The following UPP2 variants were observed in gnomAD, a reference collection of about 807,000 sequenced individuals.
UPP2 encodes the protein UPase 2.
In UPP2, 23 loss-of-function variants were observed where a neutral mutation model predicts 26.7. The ratio of observed to expected loss-of-function variants is 0.86; its 90% CI spans 0.62 to 1.22. UPP2 has a LOEUF of 1.22. UPP2 is among the 50% of genes most tolerant of loss of function. The pLI is 0.00. For synonymous variants in UPP2, 127 were observed against 141.3 expected (o/e 0.90, Z 0.72); for missense variants, 387 against 396.7 (o/e 0.98, Z 0.21).
chr2:158,057,075 A>T (rs909373577), intron 3 of UPP2, among the ~76,000 whole-genome samples: 3 of 152,210 alleles, frequency 2.0e-5, no homozygotes, highest in African/African-American at 7.2e-5. Context: ...GTTATGTGTT[A>T]CTGGCAGGAA....
intron 3 of UPP2, among the ~76,000 whole-genome samples, chr2:158,088,545 G>A (rs192263127): frequency 2.4e-4 from 37 of 152,296 alleles, no homozygotes; most frequent in African/African-American, 8.4e-4. Flanking sequence ...TTTTAGGGGT[G>A]TTAAAGAACC....
intron 6 of UPP2, among the ~76,000 whole-genome samples, chr2:158,134,173 A>T (rs946344168): frequency 6.6e-6 from 1 of 152,136 alleles, no homozygotes; most frequent in Non-Finnish European, 1.5e-5. Context: ...ACATTTAAGC[A>T]TTTCATATCA....
At chr2:158,021,205 C>T (rs892800601) in intron 3 of UPP2, among the ~76,000 whole-genome samples, 5 of 152,330 alleles carry the variant, frequency 3.3e-5, no homozygotes, top group Non-Finnish European at 5.9e-5. Flanking sequence ...ATGGGTCTTG[C>T]ACTTCTAAAT....
intron 3 of UPP2, 56 bp from the exon 4 acceptor site, chr2:158,117,768 T>A: frequency 1.5e-6 from 2 of 1,290,546 alleles, no homozygotes; most frequent in Non-Finnish European, 2.2e-6. Flanking sequence ...AGAAATTATG[T>A]CCTGTTCATG....
chr2:158,015,732 GGTT>G, intron 2 of UPP2: 1 of 447,356 alleles, frequency 2.2e-6, no homozygotes, highest in Non-Finnish European at 4.5e-6. Flanking sequence ...CACAAGATTT[GGTT>G]GTTTGAAAGT....
chr2:158,058,614 A>T (rs1682301237), intron 3 of UPP2, among the ~76,000 whole-genome samples: 1 of 152,016 alleles, frequency 6.6e-6, no homozygotes, highest in South Asian at 2.1e-4. Flanking sequence ...TATTTAAGCC[A>T]TCCAGTCTGT....
intron 2 of UPP2, among the ~76,000 whole-genome samples, chr2:158,006,626 A>G (rs1683493999): frequency 1.3e-5 from 2 of 152,230 alleles, no homozygotes; most frequent in Admixed American, 6.5e-5. Flanking sequence ...CACATTTTAA[A>G]AAATAAAGGG....
intron 3 of UPP2, among the ~76,000 whole-genome samples, chr2:158,035,292 G>C (rs1683983379): frequency 6.6e-6 from 1 of 152,008 alleles, no homozygotes; most frequent in African/African-American, 2.4e-5. Flanking sequence ...GAGTAGCTGG[G>C]ATTACAGGCA....
chr2:158,074,720 C>CACACAA (rs1553467096), intron 3 of UPP2, among the ~76,000 whole-genome samples: 1 of 151,468 alleles, frequency 6.6e-6, no homozygotes, highest in African/African-American at 2.4e-5. Context: ...CACACACACA[C>CACACAA]ACACACAGAA....
chr2:158,082,016 C>T (rs1047592913), intron 3 of UPP2, among the ~76,000 whole-genome samples: 37 of 150,886 alleles, frequency 2.5e-4, no homozygotes, highest in Admixed American at 6.6e-5. Context: ...GGCTCTATCT[C>T]GGCTCACTGC....
chr2:158,087,867 T>C (rs1558926417), intron 3 of UPP2, among the ~76,000 whole-genome samples: 1 of 152,190 alleles, frequency 6.6e-6, no homozygotes, highest in Non-Finnish European at 1.5e-5. Flanking sequence ...GTTAATCTGA[T>C]AGAGTTTCCT....
intron 1 of UPP2, 109 bp downstream of exon 1, chr2:158,102,234 G>A: frequency 7.6e-6 from 9 of 1,185,548 alleles, no homozygotes; most frequent in Non-Finnish European, 9.3e-6. Context: ...TTTCTTAAAT[G>A]TAGAGATTAT....
At chr2:158,105,993 C>A in intron 1 of UPP2, 106 bp from the exon 2 acceptor site, 1 of 835,478 alleles carries the variant, frequency 1.2e-6, no homozygotes, top group Non-Finnish European at 1.9e-6. Context: ...CATTGCTTCT[C>A]AACAAATAAT....
At chr2:158,080,380 C>T (rs2105194228) in intron 3 of UPP2, among the ~76,000 whole-genome samples, 1 of 152,240 alleles carries the variant, frequency 6.6e-6, no homozygotes, top group East Asian at 1.9e-4. Flanking sequence ...TTCAGTATAT[C>T]ACACTGCCTC....
chr2:158,133,606 C>T (rs1683870800), intron 6 of UPP2: 1 of 152,118 alleles, frequency 6.6e-6, no homozygotes, highest in African/African-American at 2.4e-5. Flanking sequence ...TATATCAAAA[C>T]ATCACATTGT....
chr2:158,001,611 G>A (rs1683408766), intron 2 of UPP2, among the ~76,000 whole-genome samples: 1 of 152,062 alleles, frequency 6.6e-6, no homozygotes, highest in Non-Finnish European at 1.5e-5. Context: ...GGAATAGGGT[G>A]GACTGGAAGA....
At chr2:158,080,022 G>A (rs1173463747) in intron 3 of UPP2, among the ~76,000 whole-genome samples, 1 of 151,862 alleles carries the variant, frequency 6.6e-6, no homozygotes. Flanking sequence ...AAATATCCCT[G>A]GTCTTAGCCC....
In UPP2 at chr2:158,017,460, C is replaced by A. The variant is rs137903784; in HGVS notation, c.147+1574C>A. Among the ~76,000 whole-genome samples, 28 of 152,204 alleles carry A rather than the reference C, an allele frequency of 1.8e-4. No homozygotes were observed. In the South Asian group the frequency reaches 2.7e-3, roughly 15 times the overall value. On this transcript the variant is annotated intron_variant, in intron 3 of 9. Coordinates refer to the UPP2 transcript ENST00000605860. ...GGAGCAGGGATGCATCTTGAAATGG[C>A]TATTTACCCAAAACTTACAGATTTT...
At chr2:158,133,373 G>A (rs559582074) in intron 6 of UPP2, among the ~76,000 whole-genome samples, 6 of 152,258 alleles carry the variant, frequency 3.9e-5, no homozygotes, top group African/African-American at 1.2e-4. Flanking sequence ...AGGGGAGCAG[G>A]ATGGGGAACG....
Sources: gnomAD v4.1 joint callset for allele counts (sites outside exome capture counted in the v4.1 genomes callset) on GRCh38, gnomAD v4.1.1 for gene constraint, MANE v1.5 for transcripts, NCBI Gene and HGNC (gene_info 2026-07-23, HGNC 2026-07-21) for gene names.